ROBO1: variants seen among roughly 807,000 people sequenced by gnomAD.
ROBO1 encodes the protein roundabout homolog 1.
Under a neutral mutation model 195.9 loss-of-function variants are expected in ROBO1, and 149 were observed. The ratio of observed to expected loss-of-function variants is 0.76; its 90% CI spans 0.67 to 0.87. The LOEUF is 0.87. Ranked by LOEUF, ROBO1 falls within the 40% of genes least tolerant of loss-of-function variation. The pLI is 0.00. For synonymous variants in ROBO1, 816 were observed against 733.2 expected, an observed-to-expected ratio of 1.11 and a Z score of -1.82; for missense variants, 1,933 against 2,068.3, an observed-to-expected ratio of 0.93 and a Z score of 1.27.
chr3:79,189,257 T>G (rs1277763773), intron 2 of ROBO1, among the ~76,000 whole-genome samples: 1 of 151,808 alleles, frequency 6.6e-6, no homozygotes, highest in African/African-American at 2.4e-5. Flanking sequence ...AATAGATATC[T>G]CAAGTAAATT....
In ROBO1 at chr3:78,874,339, G is replaced by A. The variant is rs563714816; in HGVS notation, c.499+64262C>T. 2.3e-4 allele frequency among the ~76,000 whole-genome samples: 35 copies of A among 151,894 alleles called. 1 individual carries two copies. The East Asian group carries it at 4.5e-3, about 19-fold the overall frequency. ...CATGTTGTGAAAAATGGTGAGGTAA[G>A]ATAATTTTTTCTCAAAATTCATAGC... On this transcript the variant is annotated intron_variant, in intron 4 of 30. Transcript: ENST00000464233.
At chr3:79,158,865 G>A (rs2108658126) in intron 2 of ROBO1, among the ~76,000 whole-genome samples, 1 of 151,598 alleles carries the variant, frequency 6.6e-6, no homozygotes, top group Non-Finnish European at 1.5e-5. Context: ...CTGCTGTTTT[G>A]GGTTGTGAAG....
At chr3:79,492,841 T>C (rs891637352) in intron 2 of ROBO1, among the ~76,000 whole-genome samples, 1 of 152,104 alleles carries the variant, frequency 6.6e-6, no homozygotes, top group African/African-American at 2.4e-5. Flanking sequence ...AATTTCAAAA[T>C]AATTGCTTGC....
At chr3:79,549,487 G>A (rs1350336574) in intron 2 of ROBO1, among the ~76,000 whole-genome samples, 1 of 152,098 alleles carries the variant, frequency 6.6e-6, no homozygotes, top group African/African-American at 2.4e-5. Flanking sequence ...ACTGCAGATT[G>A]AAATTATTTT....
At chr3:79,301,566 A>G (rs981243325) in intron 2 of ROBO1, among the ~76,000 whole-genome samples, 1 of 152,176 alleles carries the variant, frequency 6.6e-6, no homozygotes, top group Non-Finnish European at 1.5e-5. Flanking sequence ...GTGTGAGTTG[A>G]TATTTGTCAT....
intron 3 of ROBO1, among the ~76,000 whole-genome samples, chr3:78,980,139 T>C (rs1356642111): frequency 6.6e-6 from 1 of 152,158 alleles, no homozygotes; most frequent in Non-Finnish European, 1.5e-5. Context: ...GTTATAATTA[T>C]ATTTAAAAAT....
At chr3:78,970,379 G>A (rs72910224) in intron 3 of ROBO1, among the ~76,000 whole-genome samples, 21,273 of 151,952 alleles carry the variant, frequency 0.14, 2,142 homozygotes, top group African/African-American at 0.29. Context: ...TTCTGATTTA[G>A]AATAATACTA....
intron 2 of ROBO1, among the ~76,000 whole-genome samples, chr3:79,550,643 G>A (rs1942477006): frequency 6.6e-6 from 1 of 152,076 alleles, no homozygotes; most frequent in Admixed American, 6.6e-5. Flanking sequence ...TTGCACAATG[G>A]TGAATTATTA....
At chr3:79,072,665 G>A (rs2079108836) in intron 3 of ROBO1, among the ~76,000 whole-genome samples, 1 of 151,792 alleles carries the variant, frequency 6.6e-6, no homozygotes, top group African/African-American at 2.4e-5. Context: ...AATTATTATT[G>A]GCTTAAGCCA....
intron 3 of ROBO1, among the ~76,000 whole-genome samples, chr3:79,104,919 C>T (rs58925360): frequency 0.051 from 7,710 of 151,732 alleles, 646 homozygotes; most frequent in African/African-American, 0.17. Context: ...TGATATAATC[C>T]ATGAGAAGTT....
intron 3 of ROBO1, among the ~76,000 whole-genome samples, chr3:79,030,349 T>C (rs940992920): frequency 1.3e-5 from 2 of 152,170 alleles, no homozygotes; most frequent in African/African-American, 4.8e-5. Flanking sequence ...ACATCTTCCA[T>C]TGCATAGGAC....
intron 2 of ROBO1, among the ~76,000 whole-genome samples, chr3:79,529,151 G>C (rs1941548912): frequency 1.3e-5 from 2 of 152,018 alleles, no homozygotes; most frequent in African/African-American, 4.8e-5. Context: ...ACAATGGTTT[G>C]AAAAAAGTTA....
At chr3:79,517,025 C>A (rs1353289360) in intron 2 of ROBO1, among the ~76,000 whole-genome samples, 2 of 152,210 alleles carry the variant, frequency 1.3e-5, no homozygotes, top group Non-Finnish European at 2.9e-5. Flanking sequence ...TAAACTGCAT[C>A]ATAGTGTATT....
intron 3 of ROBO1, among the ~76,000 whole-genome samples, chr3:79,048,640 A>T (rs1401764394): frequency 6.6e-6 from 1 of 152,122 alleles, no homozygotes; most frequent in Non-Finnish European, 1.5e-5. Context: ...TAAAGTGTGC[A>T]TTCCTCTCTC....
rs73120668 is a variant in ROBO1, at chr3:78,981,203, T to C, written c.173-42276A>G. ...TTCTACATAATTAAATAAATTATAG[T>C]ATATTACAGTTTATTTTATAGTACC... On this transcript the variant is annotated intron_variant, in intron 3 of 30. Transcript: ENST00000464233. 7.9e-3 allele frequency among the ~76,000 whole-genome samples: 1,206 copies of C among 152,310 alleles called. 8 individuals are homozygous for C. The highest frequency in any genetic ancestry group is 0.013 in the Non-Finnish European group (854 of 68,032).
intron 2 of ROBO1, among the ~76,000 whole-genome samples, chr3:79,377,820 C>CGGTCGTG (rs574536668): frequency 7.0e-4 from 106 of 152,222 alleles, no homozygotes; most frequent in Admixed American, 2.0e-3. Context: ...GTGAGTGATA[C>CGGTCGTG]GGTCGTGCTA....
At chr3:79,175,511 C>A (rs1193429735) in intron 2 of ROBO1, among the ~76,000 whole-genome samples, 1 of 152,174 alleles carries the variant, frequency 6.6e-6, no homozygotes, top group Admixed American at 6.5e-5. Context: ...TATTGTTCTT[C>A]CTTCCTAACA....
intron 2 of ROBO1, among the ~76,000 whole-genome samples, chr3:79,304,255 A>G (rs1285070101): frequency 6.6e-6 from 1 of 152,202 alleles, no homozygotes; most frequent in Non-Finnish European, 1.5e-5. Flanking sequence ...AGACTGAATT[A>G]ATTATGTAAT....
intron 1 of ROBO1, among the ~76,000 whole-genome samples, chr3:79,689,098 A>G (rs1044847451): frequency 3.1e-4 from 47 of 151,986 alleles, no homozygotes; most frequent in Non-Finnish European, 5.1e-4. Context: ...GTCATCGAAA[A>G]ATTGGATTAA....
Sources: allele counts gnomAD v4.1 joint callset (sites outside exome capture counted in the v4.1 genomes callset), GRCh38; gene constraint gnomAD v4.1.1; transcripts MANE v1.5; gene names NCBI Gene and HGNC (gene_info 2026-07-23, HGNC 2026-07-21).